The following REDIC1 variants were observed in gnomAD, a reference collection of about 807,000 sequenced individuals.
REDIC1 encodes regulator of DNA class I crossover intermediates 1, also known as HEI10 Interacting Protein 1.
At chr12:39,654,520 G>A in the REDIC1 span, among the ~76,000 whole-genome samples, 12 of 152,036 alleles carry the variant, frequency 7.9e-5, no homozygotes, top group South Asian at 6.2e-4. Context: ...CCCGGCAGGC[G>A]GAGCTTGCAG....
chr12:39,753,774 C>A, the REDIC1 span, among the ~76,000 whole-genome samples: 1 of 152,152 alleles, frequency 6.6e-6, no homozygotes, highest in Admixed American at 6.6e-5. Context: ...GCTCTACTTG[C>A]TTTCCATGAT....
the REDIC1 span, among the ~76,000 whole-genome samples, chr12:39,850,209 T>C: frequency 1.6e-4 from 25 of 152,334 alleles, no homozygotes; most frequent in East Asian, 3.7e-3. Flanking sequence ...GAAAAGGAGT[T>C]AGTACTTTAA....
At chr12:39,763,408 C>A in the REDIC1 span, among the ~76,000 whole-genome samples, 6,643 of 152,112 alleles carry the variant, frequency 0.044, 209 homozygotes, top group Non-Finnish European at 0.061. Flanking sequence ...ATTCACCATT[C>A]ATCTGCAAAA....
At chr12:39,649,360 T>C in the REDIC1 span, among the ~76,000 whole-genome samples, 1 of 151,870 alleles carries the variant, frequency 6.6e-6, no homozygotes, top group African/African-American at 2.4e-5. Context: ...GAACAAAAAG[T>C]GACTTGGGGT....
the REDIC1 span, among the ~76,000 whole-genome samples, chr12:39,884,520 G>A: frequency 6.6e-6 from 1 of 152,124 alleles, no homozygotes; most frequent in Non-Finnish European, 1.5e-5. Context: ...AGTACATCAT[G>A]GCCAAATGTC....
At chr12:39,885,821 T>C in the REDIC1 span, among the ~76,000 whole-genome samples, 2 of 152,200 alleles carry the variant, frequency 1.3e-5, no homozygotes, top group Admixed American at 1.3e-4. Context: ...CCCAGTTGTC[T>C]TTCCTCTTTG....
At chr12:39,868,395 C>CA in the REDIC1 span, among the ~76,000 whole-genome samples, 16 of 151,986 alleles carry the variant, frequency 1.1e-4, no homozygotes, top group Admixed American at 1.0e-3. Flanking sequence ...AGTAAATACT[C>CA]AAAAAAACAA....
the REDIC1 span, among the ~76,000 whole-genome samples, chr12:39,670,314 C>T: frequency 9.2e-5 from 14 of 152,202 alleles, no homozygotes; most frequent in African/African-American, 3.4e-4. Flanking sequence ...CCTCAGCCTC[C>T]TCAATAACTG....
chr12:39,684,017 C>A, the REDIC1 span: 2 of 426,138 alleles, frequency 4.7e-6, no homozygotes, highest in Non-Finnish European at 6.3e-6. Flanking sequence ...CAACATTTAC[C>A]TCTCAGAGAC....
At chr12:39,819,955 TTATCTTTGCAGG>T in the REDIC1 span, 1 of 152,302 alleles carries the variant, frequency 6.6e-6, no homozygotes, top group East Asian at 1.9e-4. Context: ...AAAAAACTCT[TTATCTTTGCAGG>T]TATAAATGCC....
At chr12:39,888,940 C>T in the REDIC1 span, among the ~76,000 whole-genome samples, 1 of 151,942 alleles carries the variant, frequency 6.6e-6, no homozygotes, top group Non-Finnish European at 1.5e-5. Flanking sequence ...TAATAGTAAA[C>T]CATTTTTCTT....
chr12:39,647,725 T>G, the REDIC1 span: 1 of 1,170,130 alleles, frequency 8.5e-7, no homozygotes, highest in East Asian at 2.8e-5. Flanking sequence ...ATTTCACTAT[T>G]TTGACTTTCC....
the REDIC1 span, among the ~76,000 whole-genome samples, chr12:39,704,973 G>T: frequency 6.6e-6 from 1 of 151,266 alleles, no homozygotes; most frequent in African/African-American, 2.5e-5. Flanking sequence ...CCTAATGCTA[G>T]ATGACGAGTT....
chr12:39,653,492 G>GCCTTCTTCTTCTTCTTCTTCT, the REDIC1 span, among the ~76,000 whole-genome samples: 3 of 54,288 alleles, frequency 5.5e-5, no homozygotes, highest in Admixed American at 2.0e-4. Flanking sequence ...CAATCTGGAT[G>GCCTTCTTCTTCTTCTTCTTCT]TCTTCTTCTT....
chr12:39,820,310 A>G, the REDIC1 span, among the ~76,000 whole-genome samples: 2 of 152,208 alleles, frequency 1.3e-5, no homozygotes, highest in African/African-American at 2.4e-5. Flanking sequence ...TTTCTTAGAA[A>G]TTATGAGCAC....
At chr12:39,635,317 C>T in the REDIC1 span, among the ~76,000 whole-genome samples, 1 of 152,270 alleles carries the variant, frequency 6.6e-6, no homozygotes, top group African/African-American at 2.4e-5. Context: ...GATTATAAAT[C>T]ATTCTATGAT....
chr12:39,843,531 G>C, the REDIC1 span, among the ~76,000 whole-genome samples: 1 of 152,070 alleles, frequency 6.6e-6, no homozygotes, highest in Non-Finnish European at 1.5e-5. Context: ...TCCATTTCAA[G>C]GTAGATAGAG....
At chr12:39,758,346 C>G in the REDIC1 span, 139 of 151,836 alleles carry the variant, frequency 9.2e-4, 2 homozygotes, top group Admixed American at 8.3e-3. Flanking sequence ...GTGATAGGAA[C>G]AAGCCAGACA....
the REDIC1 span, among the ~76,000 whole-genome samples, chr12:39,712,931 G>T: frequency 6.9e-6 from 1 of 144,820 alleles, no homozygotes; most frequent in East Asian, 2.1e-4. Flanking sequence ...GTGCATATAC[G>T]TGTATATACG....
Sources: allele counts gnomAD v4.1 joint callset (sites outside exome capture counted in the v4.1 genomes callset), GRCh38; gene constraint gnomAD v4.1.1; transcripts MANE v1.5; gene names NCBI Gene and HGNC (gene_info 2026-07-23, HGNC 2026-07-21).